MAP3K7: variants seen among roughly 807,000 people sequenced by gnomAD.
The protein encoded by MAP3K7 is TGF-beta activated kinase 1.
A neutral mutation model predicts 84.8 loss-of-function variants in MAP3K7; 21 were observed. That is an observed-to-expected ratio of 0.25 (90% CI 0.18 to 0.36). The LOEUF (loss-of-function observed/expected upper bound fraction) is 0.36, where lower values mean the gene tolerates loss of function less well. MAP3K7 is among the 10% of genes least tolerant of loss of function. MAP3K7 has a pLI of 1.00. For synonymous variants in MAP3K7, 241 were observed against 247.7 expected (o/e 0.97, Z 0.25); for missense variants, 503 against 747.7 (o/e 0.67, Z 3.82).
intron 16 of MAP3K7, 59 bp from the exon 17 acceptor site, chr6:90,516,740 G>C (rs1417202766): frequency 2.3e-6 from 3 of 1,318,516 alleles, no homozygotes; most frequent in Middle Eastern, 2.5e-4. Context: ...CTTAGTAGCT[G>C]ATGATGGAAG....
At chr6:90,571,579 TG>T (rs1776901435) in intron 2 of MAP3K7, 117 bp downstream of exon 2, 1 of 509,176 alleles carries the variant, frequency 2.0e-6, no homozygotes, top group South Asian at 3.8e-5. Context: ...TAAACCGAAT[TG>T]CTGATGTTCA....
At chr6:90,531,739 G>C (rs1039928865) in intron 13 of MAP3K7, among the ~76,000 whole-genome samples, 1 of 152,058 alleles carries the variant, frequency 6.6e-6, no homozygotes, top group African/African-American at 2.4e-5. Context: ...GATCGCTTGA[G>C]GCCAGAAGTT....
chr6:90,567,811 C>A (rs987397674), intron 3 of MAP3K7, among the ~76,000 whole-genome samples: 1 of 152,204 alleles, frequency 6.6e-6, no homozygotes, highest in African/African-American at 2.4e-5. Flanking sequence ...TTGGAACCAA[C>A]CCAAATGTCC....
intron 2 of MAP3K7, 77 bp downstream of exon 2, chr6:90,571,620 C>T: frequency 1.2e-6 from 1 of 819,510 alleles, no homozygotes; most frequent in African/African-American, 1.8e-5. Context: ...TCTGAGAAAC[C>T]AATCTTTTTC....
At position 90,550,450 on chromosome 6, in the gene MAP3K7, T is replaced by C. The variant is rs771688606; in HGVS notation, c.949+18A>G. On this transcript the variant is annotated intron_variant, in intron 9 of 16. Transcript: ENST00000369329. Reference sequence around the variant, plus strand: ...GAAAGAAAAATCAAGTCAATACTCTTCCAATCTATCCATTTACCTGTACTG... The same window carrying C: ...GAAAGAAAAATCAAGTCAATACTCTCCCAATCTATCCATTTACCTGTACTG... 3.3e-6 allele frequency: 5 copies of C among 1,533,732 alleles called. No individual in the cohort carries two copies. Among genetic ancestry groups the C allele is most frequent in the Non-Finnish European group, 4.5e-6 (5 of 1,113,094 alleles).
intron 13 of MAP3K7, 135 bp from the exon 14 acceptor site, chr6:90,523,918 T>G: frequency 1.8e-6 from 1 of 570,374 alleles, no homozygotes; most frequent in South Asian, 2.5e-5. Context: ...ATAAATCCTC[T>G]CTTATATATA....
intron 13 of MAP3K7, among the ~76,000 whole-genome samples, chr6:90,535,169 T>C (rs1224423872): frequency 1.3e-5 from 2 of 152,088 alleles, no homozygotes; most frequent in Admixed American, 6.6e-5. Context: ...TAAATGAAGA[T>C]CAAGGATATT....
intron 9 of MAP3K7, among the ~76,000 whole-genome samples, chr6:90,548,444 G>A (rs1297318775): frequency 1.3e-5 from 2 of 152,122 alleles, no homozygotes. Flanking sequence ...AGAACTGAGG[G>A]CTATTAATTG....
At chr6:90,543,899 A>G (rs1582190506) in intron 12 of MAP3K7, among the ~76,000 whole-genome samples, 1 of 152,272 alleles carries the variant, frequency 6.6e-6, no homozygotes, top group East Asian at 1.9e-4. Context: ...AATTTTAGAC[A>G]CTAAAGTACC....
chr6:90,550,575 C>T lies in MAP3K7; in HGVS notation c.868-26G>A, dbSNP rs908977674. On this transcript the variant is annotated intron_variant, in intron 8 of 16. Coordinates refer to ENST00000369329, the MANE Select transcript of MAP3K7 (RefSeq NM_145331.3). ...CTATATATAAAAAAGTAAACCACAGCTTAAAATTTCCTTAATACAAATTAA... is the reference window on the plus strand; with the variant it reads ...CTATATATAAAAAAGTAAACCACAGTTTAAAATTTCCTTAATACAAATTAA... 5 of 1,421,260 alleles carry T rather than the reference C, an allele frequency of 3.5e-6. No individual in the cohort carries two copies. In the Admixed American group the frequency reaches 7.2e-5, roughly 20 times the overall value. 88.0% of individuals were successfully genotyped at this position (1,421,260 alleles called of 1,614,324 possible).
chr6:90,516,842 T>A (rs944587076), intron 16 of MAP3K7, among the ~76,000 whole-genome samples, 161 bp from the exon 17 acceptor site: 2 of 151,998 alleles, frequency 1.3e-5, no homozygotes, highest in African/African-American at 4.8e-5. Context: ...GGAACTCTCA[T>A]CTACTTCTAG....
intron 2 of MAP3K7, among the ~76,000 whole-genome samples, chr6:90,569,950 A>C (rs983903313): frequency 6.6e-6 from 1 of 152,126 alleles, no homozygotes; most frequent in Non-Finnish European, 1.5e-5. Context: ...TTCATACTGT[A>C]TGCTAATAAA....
intron 6 of MAP3K7, among the ~76,000 whole-genome samples, chr6:90,556,077 CGGAAAAA>C (rs1215389023): frequency 6.6e-6 from 1 of 152,146 alleles, no homozygotes; most frequent in African/African-American, 2.4e-5. Context: ...TGAAACAAGA[CGGAAAAA>C]CGTTGTCTTG....
chr6:90,583,436 G>A (rs1286088078), intron 1 of MAP3K7, among the ~76,000 whole-genome samples: 2 of 152,174 alleles, frequency 1.3e-5, no homozygotes, highest in Admixed American at 1.3e-4. Context: ...CTTCTGGCAA[G>A]TCAAACTCTA....
chr6:90,560,290 C>G, intron 4 of MAP3K7, 76 bp from the exon 5 acceptor site: 1 of 1,465,242 alleles, frequency 6.8e-7, no homozygotes, highest in Admixed American at 1.7e-5. Context: ...CAAGCACTAT[C>G]AGAACACATG....
chr6:90,578,482 C>T (rs1172053690), intron 1 of MAP3K7, among the ~76,000 whole-genome samples: 1 of 152,098 alleles, frequency 6.6e-6, no homozygotes, highest in Non-Finnish European at 1.5e-5. Context: ...GCCATCTTGT[C>T]CAGGCTGGTC....
At chr6:90,536,548 GA>G (rs933922990) in intron 12 of MAP3K7, 147 bp from the exon 13 acceptor site, 30,188 of 398,682 alleles carry the variant, frequency 0.076, 1 homozygote, top group South Asian at 0.11. Context: ...TTATTGCTAA[GA>G]AAAAAAAAAA....
chr6:90,541,424 T>C (rs970716682), intron 12 of MAP3K7, among the ~76,000 whole-genome samples: 8 of 151,808 alleles, frequency 5.3e-5, no homozygotes, highest in African/African-American at 1.7e-4. Context: ...AAAGGAAGAG[T>C]CAGCAAAATG....
chr6:90,552,881 C>A lies in MAP3K7; in HGVS notation c.736+577G>T, dbSNP rs192103639. 2.1e-3 allele frequency among the ~76,000 whole-genome samples: 315 copies of A among 152,222 alleles called. 3 individuals carry two copies. Among genetic ancestry groups the A allele is most frequent in the Non-Finnish European group, 3.1e-3 (213 of 68,020 alleles). On this transcript the variant is annotated intron_variant, in intron 7 of 16. Coordinates refer to ENST00000369329, the MANE Select transcript of MAP3K7 (RefSeq NM_145331.3). The stretch of plus-strand genomic sequence containing the variant: ...AGTCAGAAGCATCTGGATTTGAATC[C>A]CAGCTCTACCACTTACTAATCTTGT...
Sources: allele counts gnomAD v4.1 joint callset (sites outside exome capture counted in the v4.1 genomes callset), GRCh38; gene constraint gnomAD v4.1.1; transcripts MANE v1.5; gene names NCBI Gene and HGNC (gene_info 2026-07-23, HGNC 2026-07-21).